The following YPEL1 variants were observed in gnomAD, a reference collection of about 807,000 sequenced individuals.
YPEL1 encodes protein yippee-like 1.
Under a neutral mutation model 17.3 loss-of-function variants are expected in YPEL1, and 7 were observed. The observed-to-expected ratio is 0.40, with a 90% CI of 0.23 to 0.76. YPEL1 has a LOEUF of 0.76. YPEL1 is among the 30% of genes least tolerant of loss of function. YPEL1 has a pLI of 0.35. For missense variants in YPEL1, 91 were observed against 155.5 expected (o/e 0.59, Z 2.21); for synonymous variants, 59 against 59.6 (o/e 0.99, Z 0.05).
At chr22:21,727,185 C>A (rs960745892) in intron 1 of YPEL1, among the ~76,000 whole-genome samples, 5 of 152,182 alleles carry the variant, frequency 3.3e-5, no homozygotes, top group African/African-American at 9.7e-5. Flanking sequence ...GGTCTCAGTC[C>A]TGATGGCAAC....
At chr22:21,727,072 T>C (rs2068342935) in intron 1 of YPEL1, among the ~76,000 whole-genome samples, 3 of 151,764 alleles carry the variant, frequency 2.0e-5, no homozygotes, top group Non-Finnish European at 2.9e-5. Flanking sequence ...CAATCTTACC[T>C]GAAGAGCCTG....
At chr22:21,730,402 T>C (rs2068376110) in intron 1 of YPEL1, among the ~76,000 whole-genome samples, 1 of 152,078 alleles carries the variant, frequency 6.6e-6, no homozygotes, top group Admixed American at 6.5e-5. Context: ...TTTGTATTTT[T>C]AGTAGAGATG....
At chr22:21,712,555 T>C (rs2068179520) in intron 1 of YPEL1, among the ~76,000 whole-genome samples, 1 of 151,304 alleles carries the variant, frequency 6.6e-6, no homozygotes, top group South Asian at 2.1e-4. Context: ...CGAAACCCCG[T>C]CTCTACTAAA....
intron 1 of YPEL1, among the ~76,000 whole-genome samples, chr22:21,732,184 G>A (rs553915008): frequency 1.3e-5 from 2 of 152,178 alleles, no homozygotes; most frequent in South Asian, 2.1e-4. Context: ...TGGCGGAATC[G>A]ATTTCACCCT....
rs1296550190 is a variant in YPEL1 at position 21,715,751 on chromosome 22, TTTTTC to T, written c.-164-4848_-164-4844del. On this transcript the variant is annotated intron_variant, in intron 1 of 4. Transcript: ENST00000339468. ...CACGTGCCACCACACCTAATTTTTC[TTTTTC>T]TTTTCTTTTTTTTTTTTTTTTTTTG... Among the ~76,000 whole-genome samples, 5 of 77,448 alleles carry T rather than the reference TTTTTC, an allele frequency of 6.5e-5. No individual in the cohort carries two copies. In the South Asian group the frequency reaches 1.8e-3, roughly 28 times the overall value. 50.8% of individuals were successfully genotyped at this position (77,448 alleles called of 152,430 possible). A position where few individuals can be genotyped will look rare whatever the true frequency, so the allele number is the denominator to read the frequency against.
In YPEL1 at chr22:21,735,747, G is replaced by T. The variant is rs1335792979; in HGVS notation, c.-297C>A. On this transcript the variant is annotated 5_prime_UTR_variant, in exon 1 of 5. Transcript: ENST00000339468. Reference sequence around the variant, plus strand: ...GGCCGTTAACGCCTAGGCAGGGCGCGAGGCATCCTCCCGCCGCCGCCCCGC... The same window carrying T: ...GGCCGTTAACGCCTAGGCAGGGCGCTAGGCATCCTCCCGCCGCCGCCCCGC... The T allele has an allele frequency of 6.6e-6, 1 of 150,852 alleles. No individual in the cohort carries two copies. The highest frequency in any genetic ancestry group is 6.6e-5 in the Admixed American group (1 of 15,148). The allele number at this position is 150,852 out of a possible 1,614,324, so 9.3% of individuals were successfully genotyped here. A position where few individuals can be genotyped will look rare whatever the true frequency, so the allele number is the denominator to read the frequency against.
At chr22:21,701,255 G>A (rs1471148492) in intron 4 of YPEL1, 37 bp from the exon 5 acceptor site, 1 of 1,552,528 alleles carries the variant, frequency 6.4e-7, no homozygotes, top group East Asian at 2.3e-5. Flanking sequence ...AGGACAGAAG[G>A]TTTCACTTTT....
At chr22:21,723,969 G>A (rs1324446421) in intron 1 of YPEL1, among the ~76,000 whole-genome samples, 1 of 151,920 alleles carries the variant, frequency 6.6e-6, no homozygotes, top group East Asian at 1.9e-4. Context: ...GCCTGGCCTG[G>A]GATTTTATTT....
At chr22:21,706,688 A>G (rs1247328712) in intron 2 of YPEL1, among the ~76,000 whole-genome samples, 1 of 151,798 alleles carries the variant, frequency 6.6e-6, no homozygotes, top group Admixed American at 6.6e-5. Flanking sequence ...CCTACAAAAA[A>G]TATAAAAATT....
chr22:21,715,961 C>A (rs1054391138), intron 1 of YPEL1, among the ~76,000 whole-genome samples: 1 of 152,160 alleles, frequency 6.6e-6, no homozygotes, highest in Non-Finnish European at 1.5e-5. Context: ...GGGGTTTCTC[C>A]ATGTTGGTCA....
chr22:21,705,559 G>A (rs1569058764), intron 2 of YPEL1, among the ~76,000 whole-genome samples: 1 of 152,158 alleles, frequency 6.6e-6, no homozygotes, highest in African/African-American at 2.4e-5. Flanking sequence ...GAATGTGACT[G>A]AAACACGATT....
At chr22:21,708,110 GTGTTCTCGATGGTCTCAATGAA>G (rs2068130583) in intron 2 of YPEL1, among the ~76,000 whole-genome samples, 1 of 152,012 alleles carries the variant, frequency 6.6e-6, no homozygotes, top group Non-Finnish European at 1.5e-5. Context: ...TGCGTGGCAG[GTGTTCTCGATGGTCTCAATGAA>G]TCCTCATCAG....
At position 21,716,631 on chromosome 22, in the gene YPEL1, G is replaced by A. The variant is rs373210706; in HGVS notation, c.-164-5723C>T. Among the ~76,000 whole-genome samples the A allele has an allele frequency of 5.1e-4, 77 of 152,398 alleles. No individual in the cohort carries two copies. The South Asian group carries it at 0.016, about 31-fold the overall frequency. ...AGTTTAAATTGGCTTTAGGCTGACA[G>A]CGCCCTGAGGTACCTGGCAGAAGGA... On this transcript the variant is annotated intron_variant, in intron 1 of 4. Transcript: ENST00000339468.
chr22:21,721,828 C>A (rs2068286944), intron 1 of YPEL1, among the ~76,000 whole-genome samples: 1 of 152,176 alleles, frequency 6.6e-6, no homozygotes. Flanking sequence ...AGGGCTCGTT[C>A]ATCTTCCTTA....
chr22:21,721,750 T>C (rs1014253986), intron 1 of YPEL1, among the ~76,000 whole-genome samples: 3 of 152,146 alleles, frequency 2.0e-5, no homozygotes, highest in Admixed American at 6.5e-5. Context: ...TTAATTGCTG[T>C]TTGTCCTGAA....
At position 21,700,637 on chromosome 22, in the gene YPEL1, G is replaced by T. The variant is rs2068056304; in HGVS notation, c.*492C>A. The T allele has an allele frequency of 6.5e-6, 1 of 153,304 alleles. No individual in the cohort carries two copies. The highest frequency in any genetic ancestry group is 2.1e-4 in the South Asian group (1 of 4,870). The allele number at this position is 153,304 out of a possible 1,614,324, so 9.5% of individuals were successfully genotyped here. On this transcript the variant is annotated 3_prime_UTR_variant, in exon 5 of 5. Coordinates refer to ENST00000339468, the MANE Select transcript of YPEL1 (RefSeq NM_013313.5). ...TTACAGGCACTCGCCACCATGCCCGGCTAATTTTCGTATTTTTAGTAGAGA... is the reference window on the plus strand; with the variant it reads ...TTACAGGCACTCGCCACCATGCCCGTCTAATTTTCGTATTTTTAGTAGAGA...
At chr22:21,714,146 C>T (rs1381285466) in intron 1 of YPEL1, among the ~76,000 whole-genome samples, 1 of 152,156 alleles carries the variant, frequency 6.6e-6, no homozygotes, top group Non-Finnish European at 1.5e-5. Context: ...TGCGCAGGCA[C>T]GCCTGCATTA....
rs999532394 is a variant in YPEL1 at position 21,703,708 on chromosome 22, C to T, written c.161+131G>A. ...ATCCTTAGCGCGTTTCAGAAACTCC[C>T]GGCGGGGGGATGGTGGGTTCTTTCA... On this transcript the variant is annotated intron_variant, in intron 3 of 4. Transcript: ENST00000339468. The surrounding 1 kb of genome is among the most constrained non-coding windows in gnomAD (Gnocchi z 6.1). 7 of 990,502 alleles carry T rather than the reference C, an allele frequency of 7.1e-6. No individual in the cohort carries two copies. Among genetic ancestry groups the T allele is most frequent in the Admixed American group, 2.7e-5 (1 of 37,234 alleles). The allele number at this position is 990,502 out of a possible 1,614,324, so 61.4% of individuals were successfully genotyped here. A position where few individuals can be genotyped will look rare whatever the true frequency, so the allele number is the denominator to read the frequency against.
rs778358864 is a variant in YPEL1, at chr22:21,703,816, C to A, written c.161+23G>T. 4 of 1,607,104 alleles carry A rather than the reference C, an allele frequency of 2.5e-6. No individual in the cohort carries two copies. The highest frequency in any genetic ancestry group is 1.7e-5 in the Admixed American group (1 of 59,244). ...CGTCCCAGGGCCCGTGCCGCTCCCC[C>A]CGGGCTGAACCAGGGTACTCACACG... On this transcript the variant is annotated intron_variant, in intron 3 of 4. Transcript: ENST00000339468. This position sits in a 1 kb window ranked among gnomAD's most constrained non-coding sequence, Gnocchi z 6.1.
Sources: gnomAD v4.1 joint callset for allele counts (sites outside exome capture counted in the v4.1 genomes callset) on GRCh38, gnomAD v4.1.1 for gene constraint, Gnocchi (gnomAD v3.1) non-coding constraint, MANE v1.5 for transcripts, NCBI Gene and HGNC (gene_info 2026-07-23, HGNC 2026-07-21) for gene names.